Variants in MCF2L2 observed in about 807,000 individuals in gnomAD.
MCF2L2 encodes MCF.2 cell line derived transforming sequence-like 2, also known as probable guanine nucleotide exchange factor MCF2L2.
A neutral mutation model predicts 150.2 loss-of-function variants in MCF2L2; 102 were observed. The ratio of observed to expected loss-of-function variants is 0.68; its 90% CI spans 0.58 to 0.80. MCF2L2 has a LOEUF of 0.80. Among genes scored for constraint, MCF2L2 ranks in the 30% least tolerant of loss-of-function variants. MCF2L2 has a pLI of 0.00. For synonymous variants in MCF2L2, 465 were observed against 491.3 expected, an observed-to-expected ratio of 0.95 and a Z score of 0.71; for missense variants, 1,256 against 1,372.8, an observed-to-expected ratio of 0.91 and a Z score of 1.34.
At chr3:183,272,935 A>T in intron 15 of MCF2L2, 1 of 1,401,768 alleles carries the variant, frequency 7.1e-7, no homozygotes, top group South Asian at 1.6e-5. Context: ...GTGTCCTTTT[A>T]ATTTTTGCTT....
chr3:183,253,201 G>A (rs1450403414), intron 15 of MCF2L2: 1 of 150,866 alleles, frequency 6.6e-6, no homozygotes, highest in African/African-American at 2.4e-5. Context: ...AGAGTGCGGG[G>A]CGCGCGGCTG....
At chr3:183,340,046 G>A (rs1730636168) in intron 4 of MCF2L2, among the ~76,000 whole-genome samples, 1 of 152,126 alleles carries the variant, frequency 6.6e-6, no homozygotes, top group Admixed American at 6.5e-5. Flanking sequence ...CATCAATCAT[G>A]GCTGCAGTTA....
chr3:183,265,690 T>A (rs1726041371), intron 15 of MCF2L2: 1 of 152,276 alleles, frequency 6.6e-6, no homozygotes, highest in South Asian at 2.1e-4. Flanking sequence ...TGTTCTTTTG[T>A]TATACAAGTG....
chr3:183,297,501 G>T, intron 11 of MCF2L2: 1 of 252,222 alleles, frequency 4.0e-6, no homozygotes, highest in Non-Finnish European at 7.8e-6. Flanking sequence ...CACCCAGGCT[G>T]GAGTACAGTA....
intron 15 of MCF2L2, chr3:183,273,096 A>G: frequency 7.5e-7 from 1 of 1,325,992 alleles, no homozygotes; most frequent in Non-Finnish European, 1.0e-6. Context: ...CCTTTTAAAA[A>G]AGAAGGAAAA....
chr3:183,182,207 G>T (rs540317516), intron 27 of MCF2L2, among the ~76,000 whole-genome samples: 1 of 152,244 alleles, frequency 6.6e-6, no homozygotes, highest in South Asian at 2.1e-4. Context: ...GATCCTCCCA[G>T]TGCTGTCAAC....
chr3:183,321,029 AAC>A (rs1729789133), intron 6 of MCF2L2, among the ~76,000 whole-genome samples: 1 of 152,212 alleles, frequency 6.6e-6, no homozygotes. Flanking sequence ...GATCAGTCAG[AAC>A]ACACACAACA....
chr3:183,362,285 A>G (rs1453812894), intron 3 of MCF2L2, among the ~76,000 whole-genome samples: 1 of 152,026 alleles, frequency 6.6e-6, no homozygotes, highest in Non-Finnish European at 1.5e-5. Context: ...TTGTATTTTT[A>G]GTAGAGATGG....
intron 15 of MCF2L2, among the ~76,000 whole-genome samples, chr3:183,242,781 G>A (rs1174076291): frequency 6.6e-6 from 1 of 152,124 alleles, no homozygotes; most frequent in Admixed American, 6.5e-5. Flanking sequence ...CAGAATGGTG[G>A]ATCCACCAAC....
intron 27 of MCF2L2, among the ~76,000 whole-genome samples, chr3:183,188,547 G>A (rs1336783118): frequency 2.0e-5 from 3 of 152,268 alleles, no homozygotes; most frequent in South Asian, 2.1e-4. Flanking sequence ...CTGCTGCCCC[G>A]CCTCACTCTC....
At chr3:183,251,726 CA>C (rs1327365692) in intron 15 of MCF2L2, among the ~76,000 whole-genome samples, 1 of 152,046 alleles carries the variant, frequency 6.6e-6, no homozygotes, top group Non-Finnish European at 1.5e-5. Context: ...TCAATACCAT[CA>C]AATCTGTCAT....
At chr3:183,274,443 G>A (rs986018380) in intron 15 of MCF2L2, among the ~76,000 whole-genome samples, 1 of 152,112 alleles carries the variant, frequency 6.6e-6, no homozygotes, top group African/African-American at 2.4e-5. Flanking sequence ...GGAGTGTCTG[G>A]TGCTTCGATA....
intron 1 of MCF2L2, among the ~76,000 whole-genome samples, chr3:183,393,354 C>G (rs1436744353): frequency 6.6e-6 from 1 of 151,860 alleles, no homozygotes; most frequent in South Asian, 2.1e-4. Flanking sequence ...CCACCACGCC[C>G]GGCTAATTTT....
intron 3 of MCF2L2, among the ~76,000 whole-genome samples, chr3:183,352,715 G>C (rs1711550675): frequency 6.6e-6 from 1 of 151,926 alleles, no homozygotes; most frequent in Non-Finnish European, 1.5e-5. Context: ...CCAATGGCAG[G>C]GTATACCCCT....
intron 2 of MCF2L2, among the ~76,000 whole-genome samples, chr3:183,380,162 A>AGG (rs1300492920): frequency 1.3e-5 from 2 of 152,176 alleles, no homozygotes; most frequent in Non-Finnish European, 2.9e-5. Flanking sequence ...AATTCAGAGC[A>AGG]GAGACCACCA....
intron 15 of MCF2L2, among the ~76,000 whole-genome samples, chr3:183,275,327 C>A (rs148648745): frequency 1.2e-3 from 176 of 152,192 alleles, no homozygotes; most frequent in South Asian, 9.1e-3. Flanking sequence ...AGTTATGCAG[C>A]AAAACTCAAA....
At chr3:183,212,251 A>G (rs1722759161) in intron 22 of MCF2L2, among the ~76,000 whole-genome samples, 1 of 152,192 alleles carries the variant, frequency 6.6e-6, no homozygotes, top group Admixed American at 6.5e-5. Flanking sequence ...GAGGGAATAA[A>G]TTTCTGTTGT....
At chr3:183,205,710 C>T (rs139462335) in intron 25 of MCF2L2, among the ~76,000 whole-genome samples, 166 bp downstream of exon 25, 102 of 152,220 alleles carry the variant, frequency 6.7e-4, no homozygotes, top group Non-Finnish European at 1.1e-3. Context: ...CCTCCACCTC[C>T]ACCACAGTGG....
At chr3:183,279,598 G>A (rs574843977) in intron 14 of MCF2L2, among the ~76,000 whole-genome samples, 8 of 152,348 alleles carry the variant, frequency 5.3e-5, no homozygotes, top group Non-Finnish European at 8.8e-5. Flanking sequence ...TGTTGTGAAA[G>A]GGATGTCATT....
Sources: allele counts gnomAD v4.1 joint callset (sites outside exome capture counted in the v4.1 genomes callset), GRCh38; gene constraint gnomAD v4.1.1; transcripts MANE v1.5; gene names NCBI Gene and HGNC (gene_info 2026-07-23, HGNC 2026-07-21).